Variants in NOX4 observed in about 807,000 individuals in gnomAD.
The protein encoded by NOX4 is NADPH oxidase 4.
A neutral mutation model predicts 87.6 loss-of-function variants in NOX4; 69 were observed. The ratio of observed to expected loss-of-function variants is 0.79; its 90% CI spans 0.65 to 0.96. The LOEUF is 0.96. NOX4 is among the 40% of genes least tolerant of loss of function. The pLI, the probability that NOX4 is intolerant of heterozygous loss-of-function variation, is 0.00. For synonymous variants in NOX4, 275 were observed against 238.2 expected (o/e 1.15, Z -1.42); for missense variants, 680 against 681.5 (o/e 1.00, Z 0.02).
chr11:89,387,550 G>A (rs527460987), intron 11 of NOX4, among the ~76,000 whole-genome samples: 14 of 152,202 alleles, frequency 9.2e-5, no homozygotes, highest in Admixed American at 4.6e-4. Flanking sequence ...TCACAGGGAC[G>A]CATGTGACAG....
intron 7 of NOX4, among the ~76,000 whole-genome samples, chr11:89,430,603 A>G (rs1239860120): frequency 6.6e-6 from 1 of 152,196 alleles, no homozygotes; most frequent in Admixed American, 6.5e-5. Flanking sequence ...TCCCATTCAC[A>G]ATTGCTTCAA....
chr11:89,504,273 G>A, the NOX4 span, among the ~76,000 whole-genome samples: 1 of 151,862 alleles, frequency 6.6e-6, no homozygotes, highest in Non-Finnish European at 1.5e-5. Flanking sequence ...AGAAAAAGTG[G>A]CATAAAATGA....
At chr11:89,337,923 T>G (rs544197839) in intron 15 of NOX4, among the ~76,000 whole-genome samples, 2 of 152,210 alleles carry the variant, frequency 1.3e-5, no homozygotes, top group Admixed American at 6.6e-5. Context: ...ATTTAATTTA[T>G]GCATGCTAGC....
chr11:89,345,323 C>G (rs1301532004), intron 13 of NOX4, among the ~76,000 whole-genome samples: 1 of 152,126 alleles, frequency 6.6e-6, no homozygotes, highest in African/African-American at 2.4e-5. Context: ...GGGTCCCCAA[C>G]TTAGGATGGT....
intron 8 of NOX4, among the ~76,000 whole-genome samples, chr11:89,407,419 T>A (rs534420545): frequency 6.6e-6 from 1 of 152,204 alleles, no homozygotes; most frequent in African/African-American, 2.4e-5. Context: ...TAAGTTTCAT[T>A]ATATGATGTT....
chr11:89,578,913 C>T, the NOX4 span, among the ~76,000 whole-genome samples: 29 of 152,288 alleles, frequency 1.9e-4, no homozygotes, highest in African/African-American at 7.0e-4. Flanking sequence ...AGAGTGTTCA[C>T]TTCAATGGGT....
At chr11:89,520,702 A>C in the NOX4 span, among the ~76,000 whole-genome samples, 1 of 152,152 alleles carries the variant, frequency 6.6e-6, no homozygotes, top group Non-Finnish European at 1.5e-5. Flanking sequence ...AGCTAGAGCA[A>C]TCAGGCAAGA....
At chr11:89,361,994 T>G (rs1938560830) in intron 12 of NOX4, among the ~76,000 whole-genome samples, 1 of 152,044 alleles carries the variant, frequency 6.6e-6, no homozygotes, top group African/African-American at 2.4e-5. Flanking sequence ...GCAAGGATAT[T>G]TCAGCACTAC....
chr11:89,493,344 C>T (rs1368066136), upstream of NOX4, among the ~76,000 whole-genome samples: 1 of 151,288 alleles, frequency 6.6e-6, no homozygotes, highest in Non-Finnish European at 1.5e-5. Context: ...AAGATCGCAC[C>T]ACTGCACCCA....
intron 2 of NOX4, among the ~76,000 whole-genome samples, chr11:89,454,848 C>T (rs1591298946): frequency 2.0e-5 from 3 of 152,124 alleles, no homozygotes; most frequent in South Asian, 4.1e-4. Flanking sequence ...AAAGTAAGAA[C>T]TATTATACTC....
chr11:89,433,923 T>G (rs1943949207), intron 6 of NOX4, among the ~76,000 whole-genome samples: 1 of 152,220 alleles, frequency 6.6e-6, no homozygotes, highest in South Asian at 2.1e-4. Context: ...AGTATTGTAT[T>G]ATTACAAAAT....
At chr11:89,537,477 T>C in the NOX4 span, among the ~76,000 whole-genome samples, 1 of 151,868 alleles carries the variant, frequency 6.6e-6, no homozygotes, top group African/African-American at 2.4e-5. Flanking sequence ...ACAGTGCTTG[T>C]AAACACCCTT....
chr11:89,535,861 A>G, the NOX4 span, among the ~76,000 whole-genome samples: 1 of 152,204 alleles, frequency 6.6e-6, no homozygotes, highest in East Asian at 1.9e-4. Flanking sequence ...TTAAAAAGCA[A>G]TTGAAAATAA....
At chr11:89,363,776 T>C (rs1160559246) in intron 12 of NOX4, among the ~76,000 whole-genome samples, 2 of 152,072 alleles carry the variant, frequency 1.3e-5, no homozygotes, top group African/African-American at 2.4e-5. Flanking sequence ...TTTGTTTAAA[T>C]CAAGCGAATG....
At chr11:89,442,354 A>T (rs1944496595) in intron 5 of NOX4, among the ~76,000 whole-genome samples, 1 of 152,146 alleles carries the variant, frequency 6.6e-6, no homozygotes, top group Admixed American at 6.6e-5. Flanking sequence ...CTGTCCATCA[A>T]AACTAAAAAT....
chr11:89,482,969 A>T (rs1324594587), intron 2 of NOX4, among the ~76,000 whole-genome samples: 1 of 152,034 alleles, frequency 6.6e-6, no homozygotes, highest in Admixed American at 6.6e-5. Flanking sequence ...TGTGGGCTCA[A>T]CCTGGGCTTC....
intron 11 of NOX4, among the ~76,000 whole-genome samples, chr11:89,374,830 A>T (rs529504920): frequency 6.6e-6 from 1 of 152,310 alleles, no homozygotes; most frequent in East Asian, 1.9e-4. Context: ...AGAAAATGGC[A>T]GTGGAAGGGC....
the NOX4 span, among the ~76,000 whole-genome samples, chr11:89,583,267 T>C: frequency 1.3e-5 from 2 of 152,060 alleles, no homozygotes; most frequent in African/African-American, 2.4e-5. Context: ...AAAAGCGTTG[T>C]CCTCAGCACT....
chr11:89,542,455 C>T, the NOX4 span, among the ~76,000 whole-genome samples: 1 of 152,054 alleles, frequency 6.6e-6, no homozygotes, highest in Non-Finnish European at 1.5e-5. Context: ...TTTTTTTAGG[C>T]TTTATTAATT....
Sources: allele counts gnomAD v4.1 joint callset (sites outside exome capture counted in the v4.1 genomes callset), GRCh38; gene constraint gnomAD v4.1.1; transcripts MANE v1.5; gene names NCBI Gene and HGNC (gene_info 2026-07-23, HGNC 2026-07-21).